CCR5AS: variants seen among roughly 807,000 people sequenced by gnomAD.
The protein encoded by CCR5AS is CCR5 antisense RNA.
intron 2 of CCR5AS, among the ~76,000 whole-genome samples, chr3:46,386,805 T>G (rs1231454209): frequency 2.0e-5 from 3 of 152,224 alleles, no homozygotes; most frequent in Non-Finnish European, 4.4e-5. Context: ...TCCTTATCTC[T>G]TAAGGATACA....
chr3:46,367,881 G>GT (rs1450433235), intron 3 of CCR5AS, among the ~76,000 whole-genome samples: 1 of 152,142 alleles, frequency 6.6e-6, no homozygotes, highest in Non-Finnish European at 1.5e-5. Flanking sequence ...CTAGACATTT[G>GT]TTTTTAAAAA....
intron 1 of CCR5AS, among the ~76,000 whole-genome samples, chr3:46,398,092 A>T (rs1255158407): frequency 6.6e-6 from 1 of 152,186 alleles, no homozygotes; most frequent in Admixed American, 6.5e-5. Context: ...GGAAAACACA[A>T]ACACTTATCT....
chr3:46,384,979 CAGG>C (rs1701847444), intron 2 of CCR5AS, among the ~76,000 whole-genome samples: 1 of 152,108 alleles, frequency 6.6e-6, no homozygotes. Flanking sequence ...ATTCCTCCTG[CAGG>C]AGATCAGGAG....
At chr3:46,399,177 T>G (rs949915848) in intron 1 of CCR5AS, among the ~76,000 whole-genome samples, 1 of 152,170 alleles carries the variant, frequency 6.6e-6, no homozygotes, top group Non-Finnish European at 1.5e-5. Context: ...AATCTCTAAA[T>G]GTAATGGTGT....
chr3:46,386,381 G>T (rs768425806), intron 2 of CCR5AS, among the ~76,000 whole-genome samples: 7 of 152,192 alleles, frequency 4.6e-5, no homozygotes, highest in African/African-American at 1.4e-4. Flanking sequence ...TAATCCACTG[G>T]TATCAGCATG....
At chr3:46,393,778 G>A (rs992570741) in intron 1 of CCR5AS, among the ~76,000 whole-genome samples, 1 of 152,212 alleles carries the variant, frequency 6.6e-6, no homozygotes, top group Non-Finnish European at 1.5e-5. Context: ...GCCCCATGCT[G>A]GGCTATCAGA....
At chr3:46,370,698 A>G (rs1454402974) in intron 3 of CCR5AS, among the ~76,000 whole-genome samples, 1 of 152,174 alleles carries the variant, frequency 6.6e-6, no homozygotes, top group Non-Finnish European at 1.5e-5. Context: ...ATTTTCTAAC[A>G]GATTCTGTGT....
intron 2 of CCR5AS, among the ~76,000 whole-genome samples, chr3:46,377,183 T>G (rs532946665): frequency 3.9e-5 from 6 of 152,342 alleles, no homozygotes; most frequent in African/African-American, 1.4e-4. Flanking sequence ...TTCCATCTTA[T>G]TAAATGTCTT....
intron 2 of CCR5AS, among the ~76,000 whole-genome samples, chr3:46,376,840 C>A (rs1198252935): frequency 6.6e-6 from 1 of 152,210 alleles, no homozygotes; most frequent in Non-Finnish European, 1.5e-5. Flanking sequence ...ACTGCACACT[C>A]ATCTCCCAGC....
intron 1 of CCR5AS, among the ~76,000 whole-genome samples, chr3:46,398,983 T>G (rs1701985144): frequency 1.3e-5 from 2 of 152,360 alleles, no homozygotes; most frequent in East Asian, 3.9e-4. Flanking sequence ...CAGCAGATGT[T>G]ATAGTTTTAA....
At chr3:46,402,252 G>T (rs1702011016) in intron 1 of CCR5AS, among the ~76,000 whole-genome samples, 1 of 152,110 alleles carries the variant, frequency 6.6e-6, no homozygotes, top group South Asian at 2.1e-4. Context: ...AATATTATCT[G>T]CCCTCCCAGG....
intron 2 of CCR5AS, among the ~76,000 whole-genome samples, chr3:46,392,260 T>G (rs1425922140): frequency 6.6e-6 from 1 of 152,208 alleles, no homozygotes; most frequent in East Asian, 1.9e-4. Context: ...CTGTTTCCCT[T>G]GCCTCCATAA....
chr3:46,390,418 G>A (rs1297265615), intron 2 of CCR5AS, among the ~76,000 whole-genome samples: 10 of 152,174 alleles, frequency 6.6e-5, no homozygotes, highest in African/African-American at 2.2e-4. Context: ...GGATAGGGGA[G>A]TTGTAAGGAG....
chr3:46,399,183 G>C (rs948703237), intron 1 of CCR5AS, among the ~76,000 whole-genome samples: 1 of 152,170 alleles, frequency 6.6e-6, no homozygotes, highest in Non-Finnish European at 1.5e-5. Context: ...TAAATGTAAT[G>C]GTGTTTGTGG....
intron 2 of CCR5AS, chr3:46,373,679 C>T: frequency 6.2e-7 from 1 of 1,614,126 alleles, no homozygotes; most frequent in Non-Finnish European, 8.5e-7. Flanking sequence ...TCCTGAACAC[C>T]TTCCAGGAAT....
chr3:46,386,146 A>C (rs1260730190), intron 2 of CCR5AS, among the ~76,000 whole-genome samples: 1 of 151,892 alleles, frequency 6.6e-6, no homozygotes, highest in East Asian at 1.9e-4. Flanking sequence ...GAACTCCTGG[A>C]CTCAGGTGAT....
chr3:46,398,087 A>C (rs1223796801), intron 1 of CCR5AS, among the ~76,000 whole-genome samples: 1 of 152,218 alleles, frequency 6.6e-6, no homozygotes, highest in African/African-American at 2.4e-5. Context: ...GCAGAGGAAA[A>C]CACAAACACT....
intron 1 of CCR5AS, among the ~76,000 whole-genome samples, chr3:46,395,583 G>C (rs549572672): frequency 3.9e-5 from 6 of 152,342 alleles, no homozygotes; most frequent in African/African-American, 1.4e-4. Context: ...ATGGAACCCT[G>C]TGATGCAATC....
intron 3 of CCR5AS, among the ~76,000 whole-genome samples, chr3:46,369,818 T>C (rs1217242863): frequency 1.3e-5 from 2 of 152,194 alleles, no homozygotes; most frequent in Non-Finnish European, 2.9e-5. Context: ...CTTGGCAGTC[T>C]GACTACAGAG....
Sources: gnomAD v4.1 joint callset for allele counts (sites outside exome capture counted in the v4.1 genomes callset) on GRCh38, gnomAD v4.1.1 for gene constraint, MANE v1.5 for transcripts, NCBI Gene and HGNC (gene_info 2026-07-23, HGNC 2026-07-21) for gene names.